Variants in SPICE1 observed in about 807,000 individuals in gnomAD.
SPICE1 encodes the protein spindle and centriole associated protein 1.
A neutral mutation model predicts 102.7 loss-of-function variants in SPICE1; 75 were observed. The ratio of observed to expected loss-of-function variants is 0.73; its 90% CI spans 0.61 to 0.88. The LOEUF is 0.88. Ranked by LOEUF, SPICE1 falls within the 40% of genes least tolerant of loss-of-function variation. The pLI, the probability that SPICE1 is intolerant of heterozygous loss-of-function variation, is 0.00. For synonymous variants in SPICE1, 308 were observed against 350.3 expected (o/e 0.88, Z 1.35); for missense variants, 979 against 1,020.1 (o/e 0.96, Z 0.55).
In SPICE1 at chr3:113,495,456, G is replaced by T. The variant is rs184702838; in HGVS notation, c.292-1314C>A. The stretch of plus-strand genomic sequence containing the variant: ...CCAAGCAGGTTGGCTGACTCAGTGA[G>T]AAGAAAGCCCTGAATTTATTCCTTC... On this transcript the variant is annotated intron_variant, in intron 4 of 17. Coordinates refer to ENST00000295872, the MANE Select transcript of SPICE1 (RefSeq NM_144718.4). 4.2e-3 allele frequency among the ~76,000 whole-genome samples: 641 copies of T among 152,300 alleles called. 9 individuals carry two copies. Among genetic ancestry groups the T allele is most frequent in the Non-Finnish European group, 3.8e-3 (257 of 68,024 alleles).
Position 113,443,177 on chromosome 3 carries a change from T to C in SPICE1, c.*2130A>G, listed in dbSNP as rs1009942479. 3 of 152,222 alleles carry C rather than the reference T, an allele frequency of 2.0e-5. No individual in the cohort carries two copies. Among genetic ancestry groups the C allele is most frequent in the Non-Finnish European group, 4.4e-5 (3 of 68,036 alleles). 9.4% of individuals were successfully genotyped at this position (152,222 alleles called of 1,614,324 possible). A position where few individuals can be genotyped will look rare whatever the true frequency, so the allele number is the denominator to read the frequency against. ...AAGCTCTGATCTCAGCCCATTTACA[T>C]ACACTTGCCTCACTTAATCCTCACA... On this transcript the variant is annotated 3_prime_UTR_variant, in exon 18 of 18. Transcript: ENST00000295872.
chr3:113,465,599 T>G (rs989620555), intron 11 of SPICE1, 54 bp downstream of exon 11: 1 of 1,533,726 alleles, frequency 6.5e-7, no homozygotes, highest in East Asian at 2.3e-5. Flanking sequence ...CAGTACATGT[T>G]TAAAGATGTT....
chr3:113,467,734 C>T (rs913505740), intron 10 of SPICE1, among the ~76,000 whole-genome samples: 7 of 152,154 alleles, frequency 4.6e-5, no homozygotes, highest in Non-Finnish European at 5.9e-5. Context: ...TCAAGTCTAC[C>T]GATTATAGGC....
chr3:113,513,885 TG>T (rs1937269419), intron 1 of SPICE1, among the ~76,000 whole-genome samples: 2 of 152,198 alleles, frequency 1.3e-5, no homozygotes, highest in Admixed American at 1.3e-4. Flanking sequence ...GAATAGTCTA[TG>T]CCCTTGCAGA....
At chr3:113,466,845 G>A (rs1936069843) in intron 10 of SPICE1, among the ~76,000 whole-genome samples, 1 of 152,088 alleles carries the variant, frequency 6.6e-6, no homozygotes, top group Non-Finnish European at 1.5e-5. Context: ...TCAGGATTTC[G>A]AGACCAGCCT....
Position 113,453,928 on chromosome 3 carries a change from AGTTTGAACAGTC to A in SPICE1, c.1668_1679del (p.Arg556_Thr560delinsSer). Reference sequence around the variant, plus strand: ...TTGGAGGAAGTCGTGGAGCAGGACGAGTTTGAACAGTCCTTCTCAATACTATAGATAAGAATT... The same window carrying A: ...TTGGAGGAAGTCGTGGAGCAGGACGACTTCTCAATACTATAGATAAGAATT... On this transcript the variant is annotated inframe_deletion, in exon 14 of 18. Transcript: ENST00000295872. 1 of 1,613,338 alleles carries A rather than the reference AGTTTGAACAGTC, an allele frequency of 6.2e-7. No homozygotes were observed.
chr3:113,483,808 T>C (rs1027132053), intron 7 of SPICE1, among the ~76,000 whole-genome samples: 1 of 152,230 alleles, frequency 6.6e-6, no homozygotes, highest in Non-Finnish European at 1.5e-5. Flanking sequence ...TTTGCATCGA[T>C]GTTCATCAGG....
At chr3:113,507,166 T>C (rs549341402) in intron 1 of SPICE1, among the ~76,000 whole-genome samples, 9 of 152,180 alleles carry the variant, frequency 5.9e-5, no homozygotes, top group Non-Finnish European at 1.3e-4. Flanking sequence ...AATTATTGAT[T>C]TTTTTCTATT....
chr3:113,445,342 CTTCA>C lies in SPICE1; in HGVS notation c.2529_2532del (p.Asn843LysfsTer14). On this transcript the variant is annotated frameshift_variant, in exon 18 of 18. Coordinates refer to ENST00000295872, the MANE Select transcript of SPICE1 (RefSeq NM_144718.4). LOFTEE classifies it high-confidence loss of function. ...TGGGTAGAAAGAGCAAACCAGCCTT[CTTCA>C]TTCTGTTTCTCAATCTGTTGAACAA... 2 of 1,612,720 alleles carry C rather than the reference CTTCA, an allele frequency of 1.2e-6. No homozygotes were observed. The highest frequency in any genetic ancestry group is 2.2e-5 in the South Asian group (2 of 90,900).
chr3:113,469,515 A>C (rs1281212680), intron 7 of SPICE1, among the ~76,000 whole-genome samples: 1 of 147,080 alleles, frequency 6.8e-6, no homozygotes, highest in African/African-American at 2.5e-5. Flanking sequence ...TTAATTTATA[A>C]TTTAATTATA....
chr3:113,460,891 G>C, intron 11 of SPICE1, 127 bp from the exon 12 acceptor site: 1 of 663,646 alleles, frequency 1.5e-6, no homozygotes, highest in East Asian at 3.1e-5. Context: ...GGATATGTAT[G>C]TATAATATCA....
At chr3:113,500,011 C>T (rs1437337434) in intron 3 of SPICE1, among the ~76,000 whole-genome samples, 1 of 152,070 alleles carries the variant, frequency 6.6e-6, no homozygotes, top group Non-Finnish European at 1.5e-5. Context: ...ACCGAGTCAT[C>T]TTTGGCAAAG....
rs374570664 is a variant in SPICE1 at position 113,447,627 on chromosome 3, G to T, written c.2426+411C>A. Among the ~76,000 whole-genome samples, 15 of 152,254 alleles carry T rather than the reference G, an allele frequency of 9.9e-5. No homozygotes were observed. In the East Asian group the frequency reaches 2.7e-3, roughly 27 times the overall value. ...AAGGATGCAGAGTAGAGACAGAAAG[G>T]CCAGGTATGTCCTTAGTGTCACTAT... is the stretch of plus-strand genomic sequence containing the variant. On this transcript the variant is annotated intron_variant, in intron 16 of 17. Transcript: ENST00000295872.
At chr3:113,478,688 AAG>A (rs1936419547) in intron 7 of SPICE1, among the ~76,000 whole-genome samples, 1 of 152,196 alleles carries the variant, frequency 6.6e-6, no homozygotes, top group Non-Finnish European at 1.5e-5. Flanking sequence ...CTCAGAAGAA[AAG>A]AGTGGCAAAA....
chr3:113,484,556 C>T lies in SPICE1; in HGVS notation c.611+4389G>A, dbSNP rs150922840. On this transcript the variant is annotated intron_variant, in intron 7 of 17. Coordinates refer to ENST00000295872, the MANE Select transcript of SPICE1 (RefSeq NM_144718.4). Reference sequence around the variant, plus strand: ...CTCTACACACTGCTTTAAATGTGTCCCAGAGATTCTGGTATGTTGTGTCTT... The same window carrying T: ...CTCTACACACTGCTTTAAATGTGTCTCAGAGATTCTGGTATGTTGTGTCTT... Among the ~76,000 whole-genome samples, 1,208 of 152,098 alleles carry T rather than the reference C, an allele frequency of 7.9e-3. 13 individuals carry two copies. Among genetic ancestry groups the T allele is most frequent in the African/African-American group, 0.027 (1,131 of 41,440 alleles).
At chr3:113,448,004 T>C (rs760151751) in intron 16 of SPICE1, 34 bp downstream of exon 16, 2 of 1,551,976 alleles carry the variant, frequency 1.3e-6, no homozygotes, top group Non-Finnish European at 8.7e-7. Context: ...TTTTTGATTT[T>C]TTTTTTTAAA....
At chr3:113,461,300 C>A (rs1292393796) in intron 11 of SPICE1, among the ~76,000 whole-genome samples, 1 of 150,814 alleles carries the variant, frequency 6.6e-6, no homozygotes, top group Non-Finnish European at 1.5e-5. Flanking sequence ...TATAGATATT[C>A]TCATCTTTGT....
chr3:113,469,543 A>G (rs970389949), intron 7 of SPICE1, among the ~76,000 whole-genome samples: 6 of 147,448 alleles, frequency 4.1e-5, no homozygotes, highest in African/African-American at 1.5e-4. Flanking sequence ...AATTATATTT[A>G]TATCTAATTT....
intron 10 of SPICE1, among the ~76,000 whole-genome samples, chr3:113,467,698 G>A (rs899046682): frequency 6.6e-6 from 1 of 152,184 alleles, no homozygotes; most frequent in Non-Finnish European, 1.5e-5. Context: ...CAGACATACA[G>A]GGAACATGAA....
Sources: allele counts gnomAD v4.1 joint callset (sites outside exome capture counted in the v4.1 genomes callset), GRCh38; gene constraint gnomAD v4.1.1; transcripts MANE v1.5; gene names NCBI Gene and HGNC (gene_info 2026-07-23, HGNC 2026-07-21).